CSAD: variants seen among roughly 807,000 people sequenced by gnomAD.
The protein encoded by CSAD is cysteine sulfinic acid decarboxylase, also known as P-selectin cytoplasmic tail-associated protein.
Under a neutral mutation model 61.5 loss-of-function variants are expected in CSAD, and 47 were observed. The ratio of observed to expected loss-of-function variants is 0.76; its 90% confidence interval spans 0.60 to 0.97. The LOEUF (loss-of-function observed/expected upper bound fraction) is 0.97, where lower values mean the gene tolerates loss of function less well. Among genes scored for constraint, CSAD ranks in the 50% least tolerant of loss-of-function variants. The probability of loss-of-function intolerance (pLI) is 0.00; values close to 1 mark genes in which losing one functional copy is unlikely to be tolerated. For missense variants in CSAD, 611 were observed against 643.6 expected (o/e 0.95, Z 0.55); for synonymous variants, 245 against 252.7 (o/e 0.97, Z 0.29).
upstream of CSAD, chr12:53,180,995 G>A (rs1258262344): frequency 1.3e-5 from 11 of 828,894 alleles, no homozygotes; most frequent in Non-Finnish European, 1.7e-5. Context: ...GGGAAAGGCC[G>A]TGCGCGCACA....
intron 9 of CSAD, 23 bp downstream of exon 9, chr12:53,170,400 C>T: frequency 6.2e-7 from 1 of 1,607,596 alleles, no homozygotes; most frequent in Non-Finnish European, 8.5e-7. Context: ...AGGTCACAGC[C>T]ATGTGGGCAG....
Position 53,160,735 on chromosome 12 carries a change from G to A in CSAD, c.966+28C>T, listed in dbSNP as rs1022425438. 7.2e-6 allele frequency: 11 copies of A among 1,530,904 alleles called. No individual in the cohort carries two copies. In the African/African-American group the frequency reaches 1.2e-4, roughly 17 times the overall value. 94.8% of individuals were successfully genotyped at this position (1,530,904 alleles called of 1,614,324 possible). On this transcript the variant is annotated intron_variant, in intron 13 of 16. Transcript: ENST00000444623. ...AGGCAGAGCTCCAGAGAGAGGTGGG[G>A]CTGGTGCAGGGGCAGGGGCAGACCC...
At chr12:53,165,523 C>T (rs187524064) in intron 10 of CSAD, among the ~76,000 whole-genome samples, 3 of 151,140 alleles carry the variant, frequency 2.0e-5, no homozygotes, top group East Asian at 2.0e-4. Context: ...ATTAGCTGGG[C>T]GTGGTGGCGG....
intron 2 of CSAD, among the ~76,000 whole-genome samples, chr12:53,175,167 G>A (rs917503990): frequency 4.6e-5 from 7 of 152,196 alleles, no homozygotes; most frequent in Non-Finnish European, 8.8e-5. Context: ...AGGGAGTTGA[G>A]AGGTCACCAT....
chr12:53,173,617 T>A, intron 3 of CSAD, 111 bp downstream of exon 3: 1 of 1,504,318 alleles, frequency 6.6e-7, no homozygotes, highest in Non-Finnish European at 9.2e-7. Context: ...CAAGGGCAAG[T>A]GAGAGTGCCC....
At chr12:53,159,561 G>T in intron 16 of CSAD, 62 bp downstream of exon 16, 1 of 1,410,856 alleles carries the variant, frequency 7.1e-7, no homozygotes, top group Non-Finnish European at 9.8e-7. Context: ...CCAACAGGGG[G>T]CAGAAGCGCA....
Position 53,172,628 on chromosome 12 carries a change from A to AG in CSAD, c.146dup (p.Glu50Ter). 6.2e-7 allele frequency: 1 copy of AG among 1,607,964 alleles called. No individual in the cohort carries two copies. On this transcript the variant is annotated frameshift_variant, in exon 5 of 17. Transcript: ENST00000444623. LOFTEE classifies it high-confidence loss of function. ...AATCCAGCAGCTGCTTCAGCTCCTC[A>AG]GGCTCCTTCCACTCACAGACCTAGG...
At position 53,161,191 on chromosome 12, in the gene CSAD, C is replaced by G; in HGVS notation, c.820G>C (p.Ala274Pro). ...QRHGLWLHVD[A>P]AWGGSVLLSQ... ...AGCAGGACGCTCCCACCCCAGGCAGCCTGTGGAGCAGGAGGAACAACGTGG... is the reference window on the plus strand; with the variant it reads ...AGCAGGACGCTCCCACCCCAGGCAGGCTGTGGAGCAGGAGGAACAACGTGG... The change falls in exon 12 of 17, where the codon GCT (alanine) becomes CCT (proline). Residue 274 changes from alanine (A) to proline (P), a missense_variant and splice_region_variant. Coordinates refer to ENST00000444623, the MANE Select transcript of CSAD (RefSeq NM_001244705.2). The G allele has an allele frequency of 6.2e-7, 1 of 1,614,166 alleles. No homozygotes were observed. The highest frequency in any genetic ancestry group is 1.1e-5 in the South Asian group (1 of 91,084).
chr12:53,180,660 C>G, intron 1 of CSAD, 72 bp downstream of exon 1: 1 of 1,281,894 alleles, frequency 7.8e-7, no homozygotes, highest in Non-Finnish European at 1.0e-6. Flanking sequence ...TGCAGCCGCT[C>G]GGCGGAGAGG....
intron 16 of CSAD, among the ~76,000 whole-genome samples, chr12:53,159,240 C>T (rs1032739571): frequency 5.3e-5 from 8 of 152,202 alleles, no homozygotes; most frequent in African/African-American, 1.9e-4. Context: ...GGATATAACA[C>T]AGCTCCTCGC....
intron 7 of CSAD, 180 bp from the exon 8 acceptor site, chr12:53,171,621 C>T: frequency 1.5e-6 from 1 of 651,096 alleles, no homozygotes; most frequent in Non-Finnish European, 2.6e-6. Context: ...TCCTCTTGAC[C>T]ACACCTCTCC....
At chr12:53,175,621 A>T (rs1182278951) in intron 2 of CSAD, among the ~76,000 whole-genome samples, 1 of 152,172 alleles carries the variant, frequency 6.6e-6, no homozygotes, top group Non-Finnish European at 1.5e-5. Context: ...CTCAAATGTT[A>T]GTTTCCATCT....
chr12:53,159,094 A>C (rs1938927738), intron 16 of CSAD, among the ~76,000 whole-genome samples: 1 of 152,198 alleles, frequency 6.6e-6, no homozygotes, highest in Admixed American at 6.5e-5. Flanking sequence ...TCTAGCAAGT[A>C]ATTTACAACA....
intron 2 of CSAD, among the ~76,000 whole-genome samples, chr12:53,175,165 G>A (rs1941010943): frequency 6.6e-6 from 1 of 152,200 alleles, no homozygotes; most frequent in African/African-American, 2.4e-5. Context: ...AGAGGGAGTT[G>A]AGAGGTCACC....
At chr12:53,180,457 G>T (rs1045202701) in intron 1 of CSAD, 2 of 1,191,328 alleles carry the variant, frequency 1.7e-6, no homozygotes, top group Non-Finnish European at 2.1e-6. Context: ...AAGGGCCGAG[G>T]GTCCTGCCCT....
intron 2 of CSAD, among the ~76,000 whole-genome samples, chr12:53,178,200 T>C (rs1941250490): frequency 6.6e-6 from 1 of 152,078 alleles, no homozygotes; most frequent in South Asian, 2.1e-4. Flanking sequence ...CGGCCAGGCA[T>C]GGTGGCTCAA....
intron 3 of CSAD, 29 bp from the exon 4 acceptor site, chr12:53,173,505 C>G: frequency 6.2e-7 from 1 of 1,614,072 alleles, no homozygotes. Context: ...ATTCCCTACT[C>G]AGCCTGTCAA....
chr12:53,170,694 G>C, intron 8 of CSAD, 192 bp from the exon 9 acceptor site: 1 of 599,950 alleles, frequency 1.7e-6, no homozygotes, highest in Non-Finnish European at 3.0e-6. Flanking sequence ...TGGGGTCTAG[G>C]GTGGGGCCCA....
intron 10 of CSAD, among the ~76,000 whole-genome samples, chr12:53,162,533 A>G (rs963815949): frequency 6.6e-6 from 1 of 152,190 alleles, no homozygotes; most frequent in African/African-American, 2.4e-5. Flanking sequence ...GTGCCACTGC[A>G]CTCCAGTCTG....
Sources: gnomAD v4.1 joint callset for allele counts (sites outside exome capture counted in the v4.1 genomes callset) on GRCh38, gnomAD v4.1.1 for gene constraint, MANE v1.5 for transcripts, NCBI Gene and HGNC (gene_info 2026-07-23, HGNC 2026-07-21) for gene names.